Variants in MEIOB observed in about 807,000 individuals in gnomAD.
MEIOB encodes the protein meiosis-specific with OB domain-containing protein.
Under a neutral mutation model 53.1 loss-of-function variants are expected in MEIOB, and 50 were observed. The observed-to-expected ratio is 0.94, with a 90% CI of 0.75 to 1.19. The LOEUF is 1.19. Ranked by LOEUF, MEIOB falls within the 50% of genes most tolerant of loss-of-function variation. The pLI, the probability that MEIOB is intolerant of heterozygous loss-of-function variation, is 0.00. For synonymous variants in MEIOB, 192 were observed against 182.5 expected (o/e 1.05, Z -0.42); for missense variants, 551 against 550.8 (o/e 1.00, Z 0.00).
At chr16:1,836,239 A>G (rs1567271302) in intron 13 of MEIOB, among the ~76,000 whole-genome samples, 1 of 152,056 alleles carries the variant, frequency 6.6e-6, no homozygotes, top group East Asian at 1.9e-4. Context: ...ATACTGTGTT[A>G]CCTAATGCAC....
chr16:1,868,762 G>A (rs967926906), intron 1 of MEIOB, among the ~76,000 whole-genome samples: 41 of 151,890 alleles, frequency 2.7e-4, no homozygotes, highest in African/African-American at 8.9e-4. Flanking sequence ...GGCTGAGGCA[G>A]GAGAATGGCG....
At position 1,837,774 on chromosome 16, in the gene MEIOB, A is replaced by G; in HGVS notation, c.1305+10T>C. 4 of 1,385,486 alleles carry G rather than the reference A, an allele frequency of 2.9e-6. No individual in the cohort carries two copies. The highest frequency in any genetic ancestry group is 2.2e-5 in the Admixed American group (1 of 45,304). 85.8% of individuals were successfully genotyped at this position (1,385,486 alleles called of 1,614,324 possible). ...ATATAGAATAATATGGGACTATAAA[A>G]TGCACTAACTTTTAAATAAATTTTG... On this transcript the variant is annotated intron_variant, in intron 13 of 13. Transcript: ENST00000325962.
At chr16:1,861,091 T>C (rs1029195256) in intron 4 of MEIOB, among the ~76,000 whole-genome samples, 4 of 152,178 alleles carry the variant, frequency 2.6e-5, no homozygotes, top group African/African-American at 9.7e-5. Flanking sequence ...TATTATTTCA[T>C]AGTTGAGACC....
chr16:1,835,795 T>C (rs950649925), intron 13 of MEIOB, among the ~76,000 whole-genome samples: 18 of 152,138 alleles, frequency 1.2e-4, no homozygotes, highest in African/African-American at 4.1e-4. Context: ...CAGAGGTTCA[T>C]CTACAAGCAA....
intron 9 of MEIOB, among the ~76,000 whole-genome samples, chr16:1,851,476 G>T (rs1188988899): frequency 6.6e-6 from 1 of 152,086 alleles, no homozygotes; most frequent in Non-Finnish European, 1.5e-5. Flanking sequence ...TCTCCCTGCT[G>T]GAGGGTAAAC....
intron 11 of MEIOB, among the ~76,000 whole-genome samples, chr16:1,840,433 C>G (rs188068907): frequency 8.2e-4 from 125 of 152,222 alleles, no homozygotes; most frequent in African/African-American, 2.7e-3. Flanking sequence ...AATCTGAATA[C>G]GACCAGTGGA....
intron 9 of MEIOB, among the ~76,000 whole-genome samples, chr16:1,851,250 C>T (rs1899163070): frequency 1.3e-5 from 2 of 152,202 alleles, no homozygotes; most frequent in Non-Finnish European, 2.9e-5. Context: ...GCTCCAGCCA[C>T]ACCAGCCCCT....
intron 4 of MEIOB, among the ~76,000 whole-genome samples, chr16:1,860,947 G>A (rs1899425559): frequency 6.6e-6 from 1 of 152,076 alleles, no homozygotes; most frequent in Non-Finnish European, 1.5e-5. Context: ...TTTCTATCGT[G>A]AAGAACTAGT....
chr16:1,837,743 A>G (rs1171624836), intron 13 of MEIOB, 41 bp downstream of exon 13: 1 of 1,030,874 alleles, frequency 9.7e-7, no homozygotes, highest in African/African-American at 1.6e-5. Context: ...ATACAGAATA[A>G]TAAATATATA....
chr16:1,870,342 A>G (rs1020914499), intron 1 of MEIOB, among the ~76,000 whole-genome samples: 15 of 152,226 alleles, frequency 9.9e-5, no homozygotes, highest in Non-Finnish European at 8.8e-5. Context: ...GTTCTATTGT[A>G]GAAAAATTGT....
At chr16:1,842,821 G>A (rs1057028126) in intron 10 of MEIOB, among the ~76,000 whole-genome samples, 2 of 149,882 alleles carry the variant, frequency 1.3e-5, no homozygotes, top group Admixed American at 6.6e-5. Flanking sequence ...CCGCCACCAC[G>A]GCTAATTTTT....
At chr16:1,845,108 TG>T in intron 9 of MEIOB, 145 bp from the exon 10 acceptor site, 2 of 544,854 alleles carry the variant, frequency 3.7e-6, no homozygotes, top group Middle Eastern at 4.9e-4. Flanking sequence ...ATTAACAATG[TG>T]ATGTAGAATT....
At chr16:1,863,279 C>T (rs1349645182) in intron 3 of MEIOB, among the ~76,000 whole-genome samples, 1 of 151,962 alleles carries the variant, frequency 6.6e-6, no homozygotes, top group East Asian at 1.9e-4. Context: ...GCAACCCCTG[C>T]CTCCCAGCAG....
chr16:1,839,148 T>C, intron 12 of MEIOB, 107 bp downstream of exon 12: 1 of 1,315,432 alleles, frequency 7.6e-7, no homozygotes, highest in Non-Finnish European at 1.0e-6. Flanking sequence ...GGCTGTTTAT[T>C]AGTGAATCAA....
intron 9 of MEIOB, among the ~76,000 whole-genome samples, chr16:1,851,356 C>T (rs1172900345): frequency 2.0e-5 from 3 of 152,206 alleles, no homozygotes; most frequent in African/African-American, 7.2e-5. Flanking sequence ...TCCCATGCAG[C>T]GTGCCCGACC....
At chr16:1,858,077 G>A in intron 5 of MEIOB, 147 bp from the exon 6 acceptor site, 1 of 577,822 alleles carries the variant, frequency 1.7e-6, no homozygotes, top group Non-Finnish European at 3.0e-6. Flanking sequence ...GAATAATACA[G>A]CAAAACATTT....
chr16:1,848,510 T>G (rs1004828388), intron 9 of MEIOB, among the ~76,000 whole-genome samples: 2 of 151,326 alleles, frequency 1.3e-5, no homozygotes, highest in African/African-American at 4.9e-5. Flanking sequence ...AGGAGAATCC[T>G]ATCATCTTAT....
At chr16:1,870,749 T>A (rs990314071) in intron 1 of MEIOB, among the ~76,000 whole-genome samples, 7 of 152,222 alleles carry the variant, frequency 4.6e-5, no homozygotes, top group African/African-American at 1.7e-4. Context: ...TGTCAAGTTT[T>A]TCATTCGTTC....
intron 10 of MEIOB, 39 bp from the exon 11 acceptor site, chr16:1,842,012 C>A: frequency 1.5e-6 from 2 of 1,338,932 alleles, no homozygotes; most frequent in South Asian, 3.8e-5. Context: ...TGTATATATT[C>A]TAAAAAATAT....
Sources: gnomAD v4.1 joint callset for allele counts (sites outside exome capture counted in the v4.1 genomes callset) on GRCh38, gnomAD v4.1.1 for gene constraint, MANE v1.5 for transcripts, NCBI Gene and HGNC (gene_info 2026-07-23, HGNC 2026-07-21) for gene names.